The following MBOAT2 variants were observed in gnomAD, a reference collection of about 807,000 sequenced individuals.
The protein encoded by MBOAT2 is membrane-bound glycerophospholipid O-acyltransferase 2.
MBOAT2 carries 28 observed loss-of-function variants against 63.4 expected under a neutral mutation model. That is an observed-to-expected ratio of 0.44 (90% CI 0.33 to 0.61). The LOEUF is 0.61. Ranked by LOEUF, MBOAT2 falls within the 20% of genes least tolerant of loss-of-function variation. The probability of loss-of-function intolerance (pLI) is 0.03; values close to 1 mark genes in which losing one functional copy is unlikely to be tolerated. For missense variants in MBOAT2, 470 were observed against 605.8 expected, an observed-to-expected ratio of 0.78 and a Z score of 2.35; for synonymous variants, 211 against 215.6, an observed-to-expected ratio of 0.98 and a Z score of 0.19.
chr2:8,992,395 C>T (rs901305592), intron 1 of MBOAT2, among the ~76,000 whole-genome samples: 5 of 152,144 alleles, frequency 3.3e-5, no homozygotes, highest in African/African-American at 4.8e-5. Context: ...CCTTGGCCTC[C>T]CAAAGTGCTA....
chr2:8,954,261 T>C (rs911001762), intron 2 of MBOAT2, among the ~76,000 whole-genome samples: 2 of 152,114 alleles, frequency 1.3e-5, no homozygotes, highest in African/African-American at 4.8e-5. Flanking sequence ...ATGGTGCTTA[T>C]AGGTGAAAGC....
intron 1 of MBOAT2, among the ~76,000 whole-genome samples, chr2:8,978,853 T>TA (rs35710471): frequency 3.4e-4 from 50 of 148,754 alleles, no homozygotes; most frequent in Middle Eastern, 3.4e-3. Flanking sequence ...GCACCCATCT[T>TA]AAAAAAAAAA....
chr2:8,928,743 T>C (rs1012831998), intron 3 of MBOAT2, among the ~76,000 whole-genome samples: 1 of 152,196 alleles, frequency 6.6e-6, no homozygotes. Flanking sequence ...GACTTAATAG[T>C]AGACCAACAG....
chr2:8,944,763 G>C (rs557770292), intron 2 of MBOAT2, among the ~76,000 whole-genome samples: 1 of 151,714 alleles, frequency 6.6e-6, no homozygotes, highest in Non-Finnish European at 1.5e-5. Context: ...AAAGGAAATA[G>C]AAGAAAGCTT....
In MBOAT2 at chr2:8,958,621, G is replaced by C; in HGVS notation, c.97C>G (p.Leu33Val). 1 of 1,602,276 alleles carries C rather than the reference G, an allele frequency of 6.2e-7. No individual in the cohort carries two copies. The highest frequency in any genetic ancestry group is 1.3e-5 in the African/African-American group (1 of 74,374). The change falls in exon 2 of 13, where the codon CTC becomes GTC. Residue 33 changes from leucine (L) to valine (V), a missense_variant. Transcript: ENST00000305997. ...IDQVNFVVCQLFALLAAIWFR... is the reference protein window; with the variant it reads ...IDQVNFVVCQVFALLAAIWFR... ...CAAATGGCTGCTAGCAAGGCAAAGA[G>C]TTGGCACACTACAAAGTTGACCTGT... is the stretch of plus-strand genomic sequence containing the variant.
Position 8,946,246 on chromosome 2 carries a change from G to A in MBOAT2, c.222-2982C>T, listed in dbSNP as rs1010792658. 1.3e-5 allele frequency among the ~76,000 whole-genome samples: 2 copies of A among 152,132 alleles called. 1 individual carries two copies. Among genetic ancestry groups the A allele is most frequent in the African/African-American group, 4.8e-5 (2 of 41,430 alleles). ...GAAGCTCAGAGTGGCTAAATAACATGTCCAAAGTCATACAGCCACCAGACC... is the reference window on the plus strand; with the variant it reads ...GAAGCTCAGAGTGGCTAAATAACATATCCAAAGTCATACAGCCACCAGACC... On this transcript the variant is annotated intron_variant, in intron 2 of 12. Coordinates refer to ENST00000305997, the MANE Select transcript of MBOAT2 (RefSeq NM_138799.4).
intron 4 of MBOAT2, among the ~76,000 whole-genome samples, chr2:8,897,717 T>A (rs1229645578): frequency 2.0e-5 from 3 of 152,190 alleles, no homozygotes; most frequent in Non-Finnish European, 4.4e-5. Context: ...AAGGTCAGGA[T>A]TAGCTAAGGG....
At position 8,897,016 on chromosome 2, in the gene MBOAT2, T is replaced by C. The variant is rs573111039; in HGVS notation, c.396-8943A>G. Among the ~76,000 whole-genome samples the C allele has an allele frequency of 3.9e-5, 6 of 152,386 alleles. No homozygotes were observed. The East Asian group carries it at 5.8e-4, about 15-fold the overall frequency. Reference sequence around the variant, plus strand: ...TGTTTACACTGATAACAAGGTGGTATTGGAGTGTTACAGGGTTATAGAGAA... The same window carrying C: ...TGTTTACACTGATAACAAGGTGGTACTGGAGTGTTACAGGGTTATAGAGAA... On this transcript the variant is annotated intron_variant, in intron 4 of 12. Coordinates refer to ENST00000305997, the MANE Select transcript of MBOAT2 (RefSeq NM_138799.4).
Position 8,873,031 on chromosome 2 carries a change from C to T in MBOAT2, c.883+77G>A, listed in dbSNP as rs1175119377. Reference sequence around the variant, plus strand: ...TGGTCTTTATGTATCCTCAAGAGGGCGCACTGATAGCAATCTATCGACAAG... The same window carrying T: ...TGGTCTTTATGTATCCTCAAGAGGGTGCACTGATAGCAATCTATCGACAAG... On this transcript the variant is annotated intron_variant, in intron 8 of 12. Coordinates refer to ENST00000305997, the MANE Select transcript of MBOAT2 (RefSeq NM_138799.4). 7.8e-5 allele frequency: 105 copies of T among 1,345,620 alleles called. 1 individual carries two copies. The highest frequency in any genetic ancestry group is 4.1e-4 in the Admixed American group (20 of 49,076). 83.4% of individuals were successfully genotyped at this position (1,345,620 alleles called of 1,614,324 possible).
intron 6 of MBOAT2, among the ~76,000 whole-genome samples, chr2:8,881,735 C>T (rs1572954219): frequency 6.6e-6 from 1 of 152,188 alleles, no homozygotes; most frequent in East Asian, 1.9e-4. Context: ...CAGAATAGAA[C>T]ATTTTTAAAG....
At chr2:8,984,413 G>A (rs559938334) in intron 1 of MBOAT2, among the ~76,000 whole-genome samples, 129 of 152,218 alleles carry the variant, frequency 8.5e-4, no homozygotes, top group African/African-American at 2.9e-3. Flanking sequence ...ACATACATAC[G>A]TTTGTGGTTA....
intron 6 of MBOAT2, 45 bp from the exon 7 acceptor site, chr2:8,877,258 C>T (rs781005680): frequency 3.5e-5 from 54 of 1,548,470 alleles, no homozygotes; most frequent in Middle Eastern, 3.4e-4. Context: ...GCATAAGCTT[C>T]AGAACATCTG....
intron 2 of MBOAT2, 104 bp downstream of exon 2, chr2:8,958,393 G>T: frequency 8.5e-7 from 1 of 1,172,294 alleles, no homozygotes; most frequent in Non-Finnish European, 1.1e-6. Context: ...AACTTTTTAA[G>T]TAAATATAAG....
At chr2:8,995,955 A>ATCTG (rs1426127881) in intron 1 of MBOAT2, among the ~76,000 whole-genome samples, 1 of 152,226 alleles carries the variant, frequency 6.6e-6, no homozygotes, top group Non-Finnish European at 1.5e-5. Flanking sequence ...CAAGTCTGTT[A>ATCTG]TCTGTGATGG....
chr2:8,962,454 G>A (rs971250264), intron 1 of MBOAT2, among the ~76,000 whole-genome samples: 16 of 152,196 alleles, frequency 1.1e-4, no homozygotes, highest in African/African-American at 3.9e-4. Context: ...TTGGTGAATT[G>A]TTAGCAGAAG....
At chr2:8,939,170 T>C (rs1164855920) in intron 3 of MBOAT2, among the ~76,000 whole-genome samples, 1 of 152,208 alleles carries the variant, frequency 6.6e-6, no homozygotes, top group East Asian at 1.9e-4. Context: ...CAACAGTGAA[T>C]GAATCTTTCT....
At chr2:8,864,126 TA>T in intron 10 of MBOAT2, 43 bp downstream of exon 10, 1 of 1,372,350 alleles carries the variant, frequency 7.3e-7, no homozygotes, top group Non-Finnish European at 1.0e-6. Context: ...CCTCGAGAAC[TA>T]GACGCCAAAG....
Position 8,914,941 on chromosome 2 carries a change from T to C in MBOAT2, c.300-6225A>G, listed in dbSNP as rs1666045355. ...TGTGACTACTGGAAATTTCTTTTTT[T>C]TTTTTTTTTTTTTTTTTGAGATGGA... On this transcript the variant is annotated intron_variant, in intron 3 of 12. Coordinates refer to ENST00000305997, the MANE Select transcript of MBOAT2 (RefSeq NM_138799.4). Among the ~76,000 whole-genome samples, 3 of 135,262 alleles carry C rather than the reference T, an allele frequency of 2.2e-5. No homozygotes were observed. In the South Asian group the frequency reaches 8.0e-4, roughly 36 times the overall value. The allele number at this position is 135,262 out of a possible 152,430, so 88.7% of individuals were successfully genotyped here.
At chr2:8,994,434 T>G (rs1672129483) in intron 1 of MBOAT2, among the ~76,000 whole-genome samples, 3 of 152,196 alleles carry the variant, frequency 2.0e-5, no homozygotes, top group Admixed American at 1.3e-4. Flanking sequence ...CATGGGATCT[T>G]GCCATTAACT....
Sources: gnomAD v4.1 joint callset for allele counts (sites outside exome capture counted in the v4.1 genomes callset) on GRCh38, gnomAD v4.1.1 for gene constraint, MANE v1.5 for transcripts, NCBI Gene and HGNC (gene_info 2026-07-23, HGNC 2026-07-21) for gene names.